IP6K3: variants seen among roughly 807,000 people sequenced by gnomAD.
IP6K3 encodes the protein ATP:1D-myo-inositol-hexakisphosphate phosphotransferase.
Under a neutral mutation model 28.8 loss-of-function variants are expected in IP6K3, and 20 were observed. That is an observed-to-expected ratio of 0.70 (90% confidence interval 0.49 to 1.01). The LOEUF (loss-of-function observed/expected upper bound fraction) is 1.01, where lower values mean the gene tolerates loss of function less well. Ranked by LOEUF, IP6K3 falls within the 50% of genes least tolerant of loss-of-function variation. IP6K3 has a pLI of 0.00. For missense variants in IP6K3, 480 were observed against 537.1 expected, an observed-to-expected ratio of 0.89 and a Z score of 1.05; for synonymous variants, 213 against 221.3, an observed-to-expected ratio of 0.96 and a Z score of 0.33.
intron 2 of IP6K3, among the ~76,000 whole-genome samples, chr6:33,730,597 G>A (rs1211463213): frequency 1.3e-5 from 2 of 152,196 alleles, no homozygotes; most frequent in African/African-American, 4.8e-5. Context: ...GGTTGAGGAA[G>A]GAATCACAGA....
chr6:33,747,595 G>T (rs924913520), upstream of IP6K3, among the ~76,000 whole-genome samples: 1 of 152,190 alleles, frequency 6.6e-6, no homozygotes, highest in South Asian at 2.1e-4. This position sits in a 1 kb window ranked among gnomAD's most constrained non-coding sequence, Gnocchi z 5.2. Flanking sequence ...TTGGTTGAGT[G>T]GGGGAGGGTG....
chr6:33,722,533 G>A lies in IP6K3; in HGVS notation c.*187C>T, dbSNP rs630792. On this transcript the variant is annotated 3_prime_UTR_variant, in exon 6 of 6. Transcript: ENST00000293756. Reference sequence around the variant, plus strand: ...GCATTAGAGCATAATGCCAGGGGATGTGGAATCACCTCCAGAGCTGATTTG... The same window carrying A: ...GCATTAGAGCATAATGCCAGGGGATATGGAATCACCTCCAGAGCTGATTTG... 0.07 allele frequency: 35,906 copies of A among 516,268 alleles called. 1,681 individuals are homozygous for A. Among genetic ancestry groups the A allele is most frequent in the Non-Finnish European group, 0.094 (27,558 of 291,658 alleles). The allele number at this position is 516,268 out of a possible 1,614,324, so 32.0% of individuals were successfully genotyped here. A position where few individuals can be genotyped will look rare whatever the true frequency, so the allele number is the denominator to read the frequency against.
rs1766745571 is a variant in IP6K3 at position 33,742,046 on chromosome 6, A to G, written c.-180+4712T>C. On this transcript the variant is annotated intron_variant, in intron 1 of 5. Coordinates refer to ENST00000293756, the MANE Select transcript of IP6K3 (RefSeq NM_054111.5). The surrounding 1 kb of genome is among the most constrained non-coding windows in gnomAD (Gnocchi z 4.5). ...ATAGTTCATTGCACAAACATATCCT[A>G]TATCATAGTCACTCCTAAGGGTCAA... Among the ~76,000 whole-genome samples the G allele has an allele frequency of 6.6e-6, 1 of 151,798 alleles. No individual in the cohort carries two copies. Among genetic ancestry groups the G allele is most frequent in the African/African-American group, 2.4e-5 (1 of 41,306 alleles).
In IP6K3 at chr6:33,735,258, C is replaced by G. The variant is rs1359569060; in HGVS notation, c.199+20G>C. 3.2e-5 allele frequency: 52 copies of G among 1,608,112 alleles called. No individual in the cohort carries two copies. The highest frequency in any genetic ancestry group is 4.3e-5 in the Non-Finnish European group (51 of 1,177,026). On this transcript the variant is annotated intron_variant, in intron 2 of 5. Transcript: ENST00000293756. ...CCGTGTGGCAGCACCCAGACGTGGCCTGGCTGCCTAGACACTCACCTTTGT... is the reference window on the plus strand; with the variant it reads ...CCGTGTGGCAGCACCCAGACGTGGCGTGGCTGCCTAGACACTCACCTTTGT...
chr6:33,743,570 A>G (rs938222453), intron 1 of IP6K3, among the ~76,000 whole-genome samples: 2 of 152,222 alleles, frequency 1.3e-5, no homozygotes, highest in African/African-American at 2.4e-5. Flanking sequence ...GGAAGGCACA[A>G]GCTTATTTTC....
chr6:33,728,235 T>C lies in IP6K3; in HGVS notation c.265A>G (p.Lys89Glu). Residue 89 changes from lysine to glutamate, a missense_variant, in exon 3 of 6, where the codon AAG becomes GAG. Physicochemically the swap from Lys to Glu is moderately conservative, Grantham distance 56. Transcript: ENST00000293756. ...ACCTTGAAGGGCTCCTGGCTCTCCT[T>C]CACTGGGTTGGCAACCAAGCTGAGA... ...GHLSLVANPV[K>E]ESQEPFKVST... The C allele has an allele frequency of 6.2e-7, 1 of 1,614,176 alleles. No homozygotes were observed. The highest frequency in any genetic ancestry group is 8.5e-7 in the Non-Finnish European group (1 of 1,180,034).
At chr6:33,745,039 G>A (rs563465108) in intron 1 of IP6K3, among the ~76,000 whole-genome samples, 1 of 152,226 alleles carries the variant, frequency 6.6e-6, no homozygotes, top group Non-Finnish European at 1.5e-5. Flanking sequence ...TCCCAGCCCC[G>A]GATGAGTTGC....
At chr6:33,751,557 T>C (rs1040692750), upstream of IP6K3, among the ~76,000 whole-genome samples, 24 of 147,670 alleles carry the variant, frequency 1.6e-4, no homozygotes, top group African/African-American at 2.5e-5. This position sits in a 1 kb window ranked among gnomAD's most constrained non-coding sequence, Gnocchi z 4.3. Flanking sequence ...GGAGCCACCA[T>C]GCCCACCCTA....
intron 1 of IP6K3, among the ~76,000 whole-genome samples, chr6:33,743,968 TGACAA>T (rs2127366248): frequency 6.6e-6 from 1 of 152,108 alleles, no homozygotes; most frequent in African/African-American, 2.4e-5. Context: ...CTTCAGCCAC[TGACAA>T]ATGTACTTAG....
intron 1 of IP6K3, among the ~76,000 whole-genome samples, chr6:33,745,103 G>A (rs779382757): frequency 7.2e-5 from 11 of 152,248 alleles, no homozygotes; most frequent in African/African-American, 2.2e-4. Context: ...GCCAGCACGC[G>A]CTGCCACCCT....
chr6:33,735,765 GGT>G, intron 1 of IP6K3, 110 bp from the exon 2 acceptor site: 1 of 515,474 alleles, frequency 1.9e-6, no homozygotes, highest in Non-Finnish European at 3.4e-6. Flanking sequence ...GTTCCTCACT[GGT>G]ACCTTAAACA....
chr6:33,751,913 G>C, the IP6K3 span, among the ~76,000 whole-genome samples: 107 of 152,338 alleles, frequency 7.0e-4, no homozygotes, highest in African/African-American at 2.4e-3. This position sits in a 1 kb window ranked among gnomAD's most constrained non-coding sequence, Gnocchi z 4.3. Context: ...GACTGCCCCT[G>C]CATGTGGACA....
Position 33,735,666 on chromosome 6 carries a change from G to A in IP6K3, c.-179-11C>T. On this transcript the variant is annotated splice_polypyrimidine_tract_variant and intron_variant, in intron 1 of 5. Transcript: ENST00000293756. ...TCTCAGCGGGGTCCTCTGGAAAGCA[G>A]GGGAGGAAGGAGGAAGTTATATGAG... The A allele has an allele frequency of 3.6e-6, 5 of 1,387,142 alleles. No individual in the cohort carries two copies. In the Admixed American group the frequency reaches 8.6e-5, roughly 24 times the overall value. The allele number at this position is 1,387,142 out of a possible 1,614,324, so 85.9% of individuals were successfully genotyped here. A position where few individuals can be genotyped will look rare whatever the true frequency, so the allele number is the denominator to read the frequency against.
chr6:33,725,515 TCTC>T lies in IP6K3; in HGVS notation c.688_690del (p.Glu230del), dbSNP rs1419155896. On this transcript the variant is annotated inframe_deletion, in exon 5 of 6. Transcript: ENST00000293756. Reference sequence around the variant, plus strand: ...CACTTCCTCATGTGGCGGGCCTTCTTCTCCTCCGATGCATCATCGCCGTGCTGC... The same window carrying T: ...CACTTCCTCATGTGGCGGGCCTTCTTCTCCGATGCATCATCGCCGTGCTGC... 6.2e-7 allele frequency: 1 copy of T among 1,614,044 alleles called. No homozygotes were observed. The highest frequency in any genetic ancestry group is 1.1e-5 in the South Asian group (1 of 91,076).
chr6:33,726,268 A>G (rs1483135354), intron 4 of IP6K3, among the ~76,000 whole-genome samples: 4 of 152,114 alleles, frequency 2.6e-5, no homozygotes, highest in Non-Finnish European at 5.9e-5. Flanking sequence ...GAGGAGCCAC[A>G]CTTCCCTCTC....
intron 1 of IP6K3, among the ~76,000 whole-genome samples, chr6:33,739,809 G>T (rs1259262822): frequency 6.6e-6 from 1 of 152,254 alleles, no homozygotes; most frequent in Admixed American, 6.5e-5. Context: ...AGAGTCAGAA[G>T]TCCAGGGTCT....
In IP6K3 at chr6:33,742,507, C is replaced by T. The variant is rs6942022; in HGVS notation, c.-180+4251G>A. The stretch of plus-strand genomic sequence containing the variant: ...CAGTGTCTAACGAAGTGCTTGGCAG[C>T]GTGGATTCTTAGGGCCCTGGGTGAG... On this transcript the variant is annotated intron_variant, in intron 1 of 5. Coordinates refer to ENST00000293756, the MANE Select transcript of IP6K3 (RefSeq NM_054111.5). This position sits in a 1 kb window ranked among gnomAD's most constrained non-coding sequence, Gnocchi z 4.5. 0.11 allele frequency among the ~76,000 whole-genome samples: 16,430 copies of T among 152,098 alleles called. 1,151 individuals carry two copies. Among genetic ancestry groups the T allele is most frequent in the African/African-American group, 0.19 (8,010 of 41,448 alleles).
upstream of IP6K3, among the ~76,000 whole-genome samples, chr6:33,750,290 C>G (rs1767005085): frequency 1.4e-5 from 2 of 147,796 alleles, no homozygotes; most frequent in Admixed American, 1.3e-4. This position sits in a 1 kb window ranked among gnomAD's most constrained non-coding sequence, Gnocchi z 4.3. Context: ...AGAAACAATT[C>G]AAGTCACGTC....
intron 1 of IP6K3, among the ~76,000 whole-genome samples, chr6:33,738,132 C>T (rs1254461903): frequency 2.6e-5 from 4 of 152,162 alleles, no homozygotes; most frequent in African/African-American, 7.2e-5. Flanking sequence ...GCTGGCATGT[C>T]GGCCTTTGCC....
Sources: gnomAD v4.1 joint callset for allele counts (sites outside exome capture counted in the v4.1 genomes callset) on GRCh38, gnomAD v4.1.1 for gene constraint, Gnocchi (gnomAD v3.1) non-coding constraint, MANE v1.5 for transcripts, NCBI Gene and HGNC (gene_info 2026-07-23, HGNC 2026-07-21) for gene names.